The following TUFT1 variants were observed in gnomAD, a reference collection of about 807,000 sequenced individuals.
TUFT1 encodes the protein tuftelin.
TUFT1 carries 43 observed loss-of-function variants against 57.8 expected under a neutral mutation model. That is an observed-to-expected ratio of 0.74 (90% CI 0.58 to 0.96). The LOEUF (loss-of-function observed/expected upper bound fraction) is 0.96, where lower values mean the gene tolerates loss of function less well. TUFT1 is among the 40% of genes least tolerant of loss of function. The pLI, the probability that TUFT1 is intolerant of heterozygous loss-of-function variation, is 0.00. For synonymous variants in TUFT1, 166 were observed against 176.7 expected, an observed-to-expected ratio of 0.94 and a Z score of 0.48; for missense variants, 459 against 489.0, an observed-to-expected ratio of 0.94 and a Z score of 0.58.
chr1:151,576,916 C>T lies in TUFT1; in HGVS notation c.819-1805C>T, dbSNP rs550574646. On this transcript the variant is annotated intron_variant, in intron 9 of 12. Transcript: ENST00000368849. ...CTGGGATTACAGGCATGAGCCACCG[C>T]GCCTGGACTACTTATTTTTTTAATT... Among the ~76,000 whole-genome samples, 21 of 152,226 alleles carry T rather than the reference C, an allele frequency of 1.4e-4. No homozygotes were observed. The South Asian group carries it at 3.5e-3, about 26-fold the overall frequency.
chr1:151,542,030 CTCTT>C (rs1296587195), intron 1 of TUFT1, among the ~76,000 whole-genome samples: 1 of 152,052 alleles, frequency 6.6e-6, no homozygotes, highest in African/African-American at 2.4e-5. Context: ...CTCTTGCTCT[CTCTT>C]TTGGAATAGT....
Position 151,581,784 on chromosome 1 carries a change from C to A in TUFT1, c.*77C>A. The A allele has an allele frequency of 1.4e-6, 2 of 1,465,312 alleles. No homozygotes were observed. The highest frequency in any genetic ancestry group is 1.9e-6 in the Non-Finnish European group (2 of 1,047,250). The allele number at this position is 1,465,312 out of a possible 1,614,324, so 90.8% of individuals were successfully genotyped here. A position where few individuals can be genotyped will look rare whatever the true frequency, so the allele number is the denominator to read the frequency against. On this transcript the variant is annotated 3_prime_UTR_variant, in exon 13 of 13. Transcript: ENST00000368849. ...CCACTGCCCCTGTTGGCTGTTAACA[C>A]TGCCTTTGACTTCCTGACTGTCCCC... is the stretch of plus-strand genomic sequence containing the variant.
At chr1:151,541,910 G>A (rs1320116496) in intron 1 of TUFT1, among the ~76,000 whole-genome samples, 2 of 152,150 alleles carry the variant, frequency 1.3e-5, no homozygotes, top group Non-Finnish European at 2.9e-5. Flanking sequence ...CTCTTCACGG[G>A]TGCAATCATA....
chr1:151,572,397 G>T (rs1236539356), intron 7 of TUFT1, among the ~76,000 whole-genome samples: 1 of 151,962 alleles, frequency 6.6e-6, no homozygotes, highest in Non-Finnish European at 1.5e-5. Context: ...CGACAGTGGG[G>T]TGCAAGAATC....
In TUFT1 at chr1:151,581,052, C is replaced by A. The variant is rs374590129; in HGVS notation, c.1109+10C>A. ...CAGAGAACCCGGGCAGGTGAGTGAGCGTGTGTAGATAGAATGGGGCCAGGG... is the reference window on the plus strand; with the variant it reads ...CAGAGAACCCGGGCAGGTGAGTGAGAGTGTGTAGATAGAATGGGGCCAGGG... On this transcript the variant is annotated intron_variant, in intron 12 of 12. Transcript: ENST00000368849. 1 of 1,612,720 alleles carries A rather than the reference C, an allele frequency of 6.2e-7. No individual in the cohort carries two copies. Among genetic ancestry groups the A allele is most frequent in the Non-Finnish European group, 8.5e-7 (1 of 1,178,966 alleles).
chr1:151,549,063 G>T (rs1665431893), intron 1 of TUFT1, among the ~76,000 whole-genome samples: 1 of 152,116 alleles, frequency 6.6e-6, no homozygotes, highest in South Asian at 2.1e-4. Context: ...GAGTGGTGAG[G>T]CTGCCTATAA....
At chr1:151,579,480 G>T (rs1317470879) in intron 10 of TUFT1, among the ~76,000 whole-genome samples, 169 bp from the exon 11 acceptor site, 1 of 152,092 alleles carries the variant, frequency 6.6e-6, no homozygotes, top group Non-Finnish European at 1.5e-5. Context: ...CCCACCCCTG[G>T]GATAATCAAG....
intron 6 of TUFT1, among the ~76,000 whole-genome samples, chr1:151,567,126 C>A (rs1444828379): frequency 6.6e-6 from 1 of 152,202 alleles, no homozygotes; most frequent in African/African-American, 2.4e-5. Flanking sequence ...CTCTTGAATT[C>A]TTGGGCTCAA....
rs753482283 is a variant in TUFT1, at chr1:151,574,395, G to A, written c.720G>A (p.Glu240=). The change falls in exon 8 of 13, where the codon GAG becomes GAA. Residue 240 remains glutamate (E), a synonymous_variant. Transcript: ENST00000368849. ...TGCAGAGGCGCTTGCTAGGGATGGA[G>A]ACGGTAACCGGGGGATCTTGCTTGT... ...GELQRRLLGM[E]TEHQALLAKV... 3 of 1,614,058 alleles carry A rather than the reference G, an allele frequency of 1.9e-6. No homozygotes were observed. Among genetic ancestry groups the A allele is most frequent in the Non-Finnish European group, 2.5e-6 (3 of 1,179,976 alleles).
chr1:151,575,356 C>A (rs971024475), intron 9 of TUFT1, among the ~76,000 whole-genome samples: 5 of 152,240 alleles, frequency 3.3e-5, no homozygotes, highest in African/African-American at 1.2e-4. Flanking sequence ...GTTTCCTCCC[C>A]ACCGAAACAA....
intron 6 of TUFT1, among the ~76,000 whole-genome samples, chr1:151,567,040 T>C (rs747721031): frequency 1.3e-5 from 2 of 151,892 alleles, no homozygotes; most frequent in Non-Finnish European, 2.9e-5. Context: ...CACCTCAGCC[T>C]ACCCAATAGC....
chr1:151,546,620 C>T (rs557134026), intron 1 of TUFT1, among the ~76,000 whole-genome samples: 4 of 152,220 alleles, frequency 2.6e-5, no homozygotes, highest in South Asian at 2.1e-4. Flanking sequence ...ATGTAATCAT[C>T]GGTATGTGAT....
intron 6 of TUFT1, among the ~76,000 whole-genome samples, chr1:151,568,382 G>GT (rs1281776532): frequency 6.6e-6 from 1 of 152,102 alleles, no homozygotes; most frequent in Non-Finnish European, 1.5e-5. Context: ...CTGGTACCGT[G>GT]TTTTTTAGGA....
At chr1:151,578,693 G>A in intron 9 of TUFT1, 28 bp from the exon 10 acceptor site, 1 of 1,530,776 alleles carries the variant, frequency 6.5e-7, no homozygotes, top group Non-Finnish European at 8.8e-7. Flanking sequence ...TTGTTCCATT[G>A]CCTCAGCCTT....
rs1423842923 is a variant in TUFT1 at position 151,582,949 on chromosome 1, T to C, written c.*1242T>C. The C allele has an allele frequency of 6.6e-6, 1 of 151,736 alleles. No individual in the cohort carries two copies. The highest frequency in any genetic ancestry group is 1.5e-5 in the Non-Finnish European group (1 of 67,954). The allele number at this position is 151,736 out of a possible 1,614,324, so 9.4% of individuals were successfully genotyped here. ...TTTCTTTTTTTATTGTTTTTTTTTT[T>C]TTCTGAGACAGAGTCTCACTCTGTC... On this transcript the variant is annotated 3_prime_UTR_variant, in exon 13 of 13. Transcript: ENST00000368849.
At position 151,574,347 on chromosome 1, in the gene TUFT1, G is replaced by C. The variant is rs1239730042; in HGVS notation, c.672G>C (p.Gln224His). ...AGAGAGAGGAGGACAGAGTGGAGCAGAAAGAGGCAGAAGTCGGAGAGCTGC... is the reference window on the plus strand; with the variant it reads ...AGAGAGAGGAGGACAGAGTGGAGCACAAAGAGGCAGAAGTCGGAGAGCTGC... ...ALQREEDRVE[Q>H]KEAEVGELQR... The change falls in exon 8 of 13, where the codon CAG becomes CAC. Residue 224 changes from glutamine to histidine, a missense_variant. Transcript: ENST00000368849. 5 of 1,614,078 alleles carry C rather than the reference G, an allele frequency of 3.1e-6. No homozygotes were observed. In the Admixed American group the frequency reaches 5.0e-5, roughly 16 times the overall value.
intron 6 of TUFT1, among the ~76,000 whole-genome samples, chr1:151,568,998 C>CG (rs1261926149): frequency 6.6e-6 from 1 of 152,166 alleles, no homozygotes; most frequent in Non-Finnish European, 1.5e-5. Flanking sequence ...GCAGCAGAGA[C>CG]GGGGGTGAGA....
At chr1:151,561,643 C>G in intron 1 of TUFT1, 2 of 1,185,578 alleles carry the variant, frequency 1.7e-6, no homozygotes, top group Non-Finnish European at 2.1e-6. Flanking sequence ...AATTCAGGTA[C>G]TTTCCTATAG....
rs1666001192 is a variant in TUFT1, at chr1:151,564,507, C to A, written c.325-18C>A. The A allele has an allele frequency of 1.2e-6, 2 of 1,607,024 alleles. No individual in the cohort carries two copies. Among genetic ancestry groups the A allele is most frequent in the African/African-American group, 2.7e-5 (2 of 74,886 alleles). ...TTTCTCTACCCTAAAGCTCAAGTTTCTTCCCCTCCCCTCCCAGGCCAGGAA... is the reference window on the plus strand; with the variant it reads ...TTTCTCTACCCTAAAGCTCAAGTTTATTCCCCTCCCCTCCCAGGCCAGGAA... On this transcript the variant is annotated intron_variant, in intron 4 of 12. Transcript: ENST00000368849.
Sources: allele counts gnomAD v4.1 joint callset (sites outside exome capture counted in the v4.1 genomes callset), GRCh38; gene constraint gnomAD v4.1.1; transcripts MANE v1.5; gene names NCBI Gene and HGNC (gene_info 2026-07-23, HGNC 2026-07-21).